TMTC1: variants seen among roughly 807,000 people sequenced by gnomAD.
TMTC1 encodes the protein transmembrane O-mannosyltransferase targeting cadherins 1, also known as protein O-mannosyl-transferase TMTC1.
A neutral mutation model predicts 104.8 loss-of-function variants in TMTC1; 73 were observed. The ratio of observed to expected loss-of-function variants is 0.70; its 90% CI spans 0.58 to 0.85. The LOEUF (loss-of-function observed/expected upper bound fraction) is 0.85, where lower values mean the gene tolerates loss of function less well. Ranked by LOEUF, TMTC1 falls within the 40% of genes least tolerant of loss-of-function variation. The pLI is 0.00. For synonymous variants in TMTC1, 434 were observed against 428.7 expected (o/e 1.01, Z -0.15); for missense variants, 1,035 against 1,096.1 (o/e 0.94, Z 0.79).
intron 11 of TMTC1, among the ~76,000 whole-genome samples, chr12:29,529,550 A>G (rs904018742): frequency 1.1e-4 from 16 of 152,338 alleles, no homozygotes; most frequent in Non-Finnish European, 2.1e-4. Flanking sequence ...TGTAATAGTA[A>G]TTACAAACCT....
At chr12:29,550,058 C>T (rs1332813407) in intron 10 of TMTC1, among the ~76,000 whole-genome samples, 2 of 151,776 alleles carry the variant, frequency 1.3e-5, no homozygotes, top group Non-Finnish European at 2.9e-5. Context: ...CAAGCTCAAT[C>T]CTATGTAACA....
chr12:29,637,274 T>C (rs752607414), intron 5 of TMTC1, among the ~76,000 whole-genome samples: 5 of 152,230 alleles, frequency 3.3e-5, no homozygotes, highest in African/African-American at 4.8e-5. Flanking sequence ...TGAATTACAT[T>C]GAAGCAAATC....
chr12:29,583,178 C>A (rs1326758), intron 8 of TMTC1, among the ~76,000 whole-genome samples: 1 of 151,854 alleles, frequency 6.6e-6, no homozygotes, highest in Non-Finnish European at 1.5e-5. Flanking sequence ...TTCCCAGGAG[C>A]CTTATTTTCA....
chr12:29,532,754 T>C, intron 11 of TMTC1: 1 of 152,190 alleles, frequency 6.6e-6, no homozygotes, highest in East Asian at 1.9e-4. Context: ...CAGTTTCCTT[T>C]ATATATTTAT....
chr12:29,634,291 C>G (rs1938441903), intron 5 of TMTC1, among the ~76,000 whole-genome samples: 1 of 152,116 alleles, frequency 6.6e-6, no homozygotes, highest in South Asian at 2.1e-4. Context: ...CCTCAAGGAC[C>G]CGAGAGCCAT....
chr12:29,622,133 A>T lies in TMTC1; in HGVS notation c.1128+11014T>A, dbSNP rs1937707895. Among the ~76,000 whole-genome samples, 5 of 152,194 alleles carry T rather than the reference A, an allele frequency of 3.3e-5. No homozygotes were observed. The South Asian group carries it at 1.0e-3, about 32-fold the overall frequency. ...ACTGCCCAATGTTCATTCTCAAAAG[A>T]CATCTCATGACTGAGGCTATTATTA... On this transcript the variant is annotated intron_variant, in intron 6 of 17. Transcript: ENST00000539277.
In TMTC1 at chr12:29,514,604, C is replaced by A. The variant is rs758498492; in HGVS notation, c.2308G>T (p.Ala770Ser). 2 of 1,604,978 alleles carry A rather than the reference C, an allele frequency of 1.2e-6. No individual in the cohort carries two copies. Among genetic ancestry groups the A allele is most frequent in the Non-Finnish European group, 1.7e-6 (2 of 1,177,782 alleles). Reference protein sequence around the residue: ...IYSKQENHDKALDAIDKALQL... With the variant: ...IYSKQENHDKSLDAIDKALQL... Reference sequence around the variant, plus strand: ...AGAGCCTTGTCTATAGCATCAAGTGCCTGCAGAGGTTGGAAATTAAGACAG... The same window carrying A: ...AGAGCCTTGTCTATAGCATCAAGTGACTGCAGAGGTTGGAAATTAAGACAG... Residue 770 changes from alanine (A) to serine (S), a missense_variant and splice_region_variant, in exon 16 of 18, where the codon GCA becomes TCA. Coordinates refer to ENST00000539277, the MANE Select transcript of TMTC1 (RefSeq NM_001193451.2).
chr12:29,739,478 T>C (rs1479066263), intron 5 of TMTC1, among the ~76,000 whole-genome samples: 2 of 152,184 alleles, frequency 1.3e-5, no homozygotes, highest in East Asian at 1.9e-4. Flanking sequence ...TAATTCTGTG[T>C]ACATACTTCA....
At chr12:29,734,267 T>G (rs1007557323) in intron 5 of TMTC1, among the ~76,000 whole-genome samples, 3 of 152,218 alleles carry the variant, frequency 2.0e-5, no homozygotes, top group Admixed American at 2.0e-4. Context: ...ATAATTTATT[T>G]CTCCTGAAAT....
Position 29,514,511 on chromosome 12 carries a change from C to T in TMTC1, c.2401G>A (p.Glu801Lys). ...AAAGCTTTGTCGAGAAGGTTCTGCT[C>T]TCTTAATTGGTTTCCTTTTGTGAAA... ...LFFTKGNQLR[E>K]QNLLDKAFES... Residue 801 changes from glutamate (E) to lysine (K), a missense_variant, in exon 16 of 18, where the codon GAG becomes AAG. Transcript: ENST00000539277. 2 of 1,613,910 alleles carry T rather than the reference C, an allele frequency of 1.2e-6. No individual in the cohort carries two copies. The highest frequency in any genetic ancestry group is 1.7e-6 in the Non-Finnish European group (2 of 1,179,978).
chr12:29,726,363 G>A (rs373494787), intron 5 of TMTC1, among the ~76,000 whole-genome samples: 1 of 150,660 alleles, frequency 6.6e-6, no homozygotes, highest in Non-Finnish European at 1.5e-5. Flanking sequence ...TATAGACATC[G>A]GGGACATTTA....
At chr12:29,683,705 G>T (rs1271953337) in intron 5 of TMTC1, among the ~76,000 whole-genome samples, 1 of 152,092 alleles carries the variant, frequency 6.6e-6, no homozygotes, top group Non-Finnish European at 1.5e-5. Context: ...TACAAGAAGA[G>T]AAATAAAAAG....
intron 10 of TMTC1, among the ~76,000 whole-genome samples, chr12:29,549,983 T>C (rs892893961): frequency 6.6e-6 from 1 of 152,122 alleles, no homozygotes; most frequent in Non-Finnish European, 1.5e-5. Flanking sequence ...TGAAAATTGT[T>C]TCTTGGGGTG....
intron 5 of TMTC1, among the ~76,000 whole-genome samples, chr12:29,717,459 T>A (rs1942116532): frequency 6.6e-6 from 1 of 152,184 alleles, no homozygotes. Context: ...AGTTGCAACC[T>A]TATCATGGTT....
chr12:29,569,070 T>G (rs548855372), intron 9 of TMTC1: 7 of 441,612 alleles, frequency 1.6e-5, no homozygotes, highest in African/African-American at 1.2e-4. Context: ...AGAAAAGGGT[T>G]TTGACATTTT....
chr12:29,590,844 T>TA (rs1410111842), intron 7 of TMTC1, among the ~76,000 whole-genome samples: 2 of 152,104 alleles, frequency 1.3e-5, no homozygotes, highest in African/African-American at 4.8e-5. Flanking sequence ...TAACTGCTGC[T>TA]AATTGGAGTG....
intron 4 of TMTC1, among the ~76,000 whole-genome samples, chr12:29,754,224 C>T (rs1223762387): frequency 6.7e-6 from 1 of 149,432 alleles, no homozygotes; most frequent in African/African-American, 2.5e-5. Context: ...GGACTTGTAT[C>T]AGCAGTATTA....
chr12:29,716,811 C>A, intron 5 of TMTC1, among the ~76,000 whole-genome samples: 1 of 152,076 alleles, frequency 6.6e-6, no homozygotes, highest in East Asian at 1.9e-4. Flanking sequence ...GTCAGGAGAT[C>A]GAGACCATCC....
At chr12:29,615,108 C>T (rs1293896940) in intron 6 of TMTC1, among the ~76,000 whole-genome samples, 1 of 152,218 alleles carries the variant, frequency 6.6e-6, no homozygotes, top group Non-Finnish European at 1.5e-5. Context: ...GCGAACAGGG[C>T]CAATTTGGCC....
Sources: gnomAD v4.1 joint callset for allele counts (sites outside exome capture counted in the v4.1 genomes callset) on GRCh38, gnomAD v4.1.1 for gene constraint, MANE v1.5 for transcripts, NCBI Gene and HGNC (gene_info 2026-07-23, HGNC 2026-07-21) for gene names.